Variants in RMC1 observed in about 807,000 individuals in gnomAD.
RMC1 encodes the protein regulator of MON1-CCZ1 complex.
In RMC1, 44 loss-of-function variants were observed where a neutral mutation model predicts 95.5. That is an observed-to-expected ratio of 0.46 (90% CI 0.36 to 0.59). RMC1 has a LOEUF of 0.59. Ranked by LOEUF, RMC1 falls within the 20% of genes least tolerant of loss-of-function variation. RMC1 has a pLI of 0.00. For synonymous variants in RMC1, 320 were observed against 303.6 expected, an observed-to-expected ratio of 1.05 and a Z score of -0.56; for missense variants, 705 against 819.6, an observed-to-expected ratio of 0.86 and a Z score of 1.71.
rs1442760779 is a variant in RMC1, at chr18:23,526,783, C to G, written c.1189+18C>G. 1 of 1,612,266 alleles carries G rather than the reference C, an allele frequency of 6.2e-7. No homozygotes were observed. The highest frequency in any genetic ancestry group is 1.7e-5 in the Admixed American group (1 of 59,872). On this transcript the variant is annotated intron_variant, in intron 13 of 19. Coordinates refer to ENST00000269221, the MANE Select transcript of RMC1 (RefSeq NM_013326.5). ...TTCACAGAGTAAGTTGAATCCTTCCCCCTTGCTCTGATTCCAGTGTGAGGC... is the reference window on the plus strand; with the variant it reads ...TTCACAGAGTAAGTTGAATCCTTCCGCCTTGCTCTGATTCCAGTGTGAGGC...
chr18:23,525,394 C>T lies in RMC1; in HGVS notation c.1060+912C>T, dbSNP rs1039314760. ...TCCCAAGTAGCTGGGCCTACAGGCG[C>T]ACATCACCACGCCCAGTTAATTTAT... On this transcript the variant is annotated intron_variant, in intron 12 of 19. Transcript: ENST00000269221. Among the ~76,000 whole-genome samples the T allele has an allele frequency of 2.0e-5, 3 of 151,718 alleles. No individual in the cohort carries two copies. In the East Asian group the frequency reaches 5.8e-4, roughly 29 times the overall value.
chr18:23,506,896 C>T, intron 2 of RMC1, 74 bp from the exon 3 acceptor site: 1 of 1,044,240 alleles, frequency 9.6e-7, no homozygotes, highest in Non-Finnish European at 1.5e-6. Flanking sequence ...TAGATTGTGT[C>T]TTTTGCCTTT....
intron 19 of RMC1, chr18:23,531,422 T>G: frequency 9.0e-7 from 1 of 1,106,252 alleles, no homozygotes; most frequent in Non-Finnish European, 1.2e-6. Context: ...TTAGTTACCA[T>G]AAGGACAGGT....
At chr18:23,516,765 C>T (rs1448060665) in intron 7 of RMC1, among the ~76,000 whole-genome samples, 1 of 148,384 alleles carries the variant, frequency 6.7e-6, no homozygotes, top group South Asian at 2.1e-4. Context: ...TTGTTCTGTC[C>T]CCTAGGCTGG....
At chr18:23,507,846 G>A (rs2057753043) in intron 3 of RMC1, 139 bp from the exon 4 acceptor site, 6 of 584,802 alleles carry the variant, frequency 1.0e-5, no homozygotes, top group Non-Finnish European at 1.6e-5. Context: ...TATCTTTCCT[G>A]TGTTTTGGTT....
In RMC1 at chr18:23,508,049, C is replaced by T; in HGVS notation, c.321+8C>T. 1.2e-6 allele frequency: 2 copies of T among 1,601,088 alleles called. No homozygotes were observed. Among genetic ancestry groups the T allele is most frequent in the Non-Finnish European group, 1.7e-6 (2 of 1,174,282 alleles). ...TACACACAGGAGTGCAAGGTATGAC[C>T]CCAGGCCCTTTCTCAGCTGCTGGTG... On this transcript the variant is annotated splice_region_variant and intron_variant, in intron 4 of 19. Coordinates refer to ENST00000269221, the MANE Select transcript of RMC1 (RefSeq NM_013326.5).
chr18:23,503,927 G>T (rs1427278884), intron 1 of RMC1, among the ~76,000 whole-genome samples: 1 of 152,156 alleles, frequency 6.6e-6, no homozygotes, highest in Non-Finnish European at 1.5e-5. Context: ...CTGGACCCCC[G>T]AGCCAGCTGC....
Position 23,510,322 on chromosome 18 carries a change from C to CA in RMC1, c.408+1054dup, listed in dbSNP as rs1041112782. Among the ~76,000 whole-genome samples, 525 of 133,790 alleles carry CA rather than the reference C, an allele frequency of 3.9e-3. 10 individuals carry two copies. In the East Asian group the frequency reaches 0.048, roughly 12 times the overall value. The allele number at this position is 133,790 out of a possible 152,430, so 87.8% of individuals were successfully genotyped here. On this transcript the variant is annotated intron_variant, in intron 5 of 19. Transcript: ENST00000269221. Reference sequence around the variant, plus strand: ...CCTGGATGACAGTGAGACCCCATCTCAAAAAAAAAAACAAAAACACAACAA... The same window carrying CA: ...CCTGGATGACAGTGAGACCCCATCTCAAAAAAAAAAAACAAAAACACAACAA...
At chr18:23,517,626 T>C (rs934487728) in intron 7 of RMC1, among the ~76,000 whole-genome samples, 1 of 152,218 alleles carries the variant, frequency 6.6e-6, no homozygotes, top group Non-Finnish European at 1.5e-5. Context: ...CCTAAAACAG[T>C]GGCCCAAACT....
At chr18:23,517,252 C>T (rs555831919) in intron 7 of RMC1, among the ~76,000 whole-genome samples, 13 of 151,718 alleles carry the variant, frequency 8.6e-5, no homozygotes, top group South Asian at 4.2e-4. Flanking sequence ...CAGGTTCAAG[C>T]GATTCTCCTG....
chr18:23,525,647 T>C (rs529398459), intron 12 of RMC1, among the ~76,000 whole-genome samples: 6 of 152,040 alleles, frequency 3.9e-5, no homozygotes, highest in Non-Finnish European at 7.4e-5. Context: ...ATGGTCTCGA[T>C]CTCCTGACCT....
At chr18:23,516,445 T>C (rs774876794) in intron 7 of RMC1, 22 bp downstream of exon 7, 1 of 1,606,214 alleles carries the variant, frequency 6.2e-7, no homozygotes, top group Non-Finnish European at 8.5e-7. Flanking sequence ...TCAGAGAGAA[T>C]TCCATCCTGT....
In RMC1 at chr18:23,531,741, A is replaced by AAGTT; in HGVS notation, c.*39_*42dup. 1 of 1,591,184 alleles carries AAGTT rather than the reference A, an allele frequency of 6.3e-7. No homozygotes were observed. Among genetic ancestry groups the AAGTT allele is most frequent in the South Asian group, 1.2e-5 (1 of 86,316 alleles). ...GTTTTTTTATATAAAAATGTGTACAAAGTTAATTTATTGCATTAATAAAGC... is the reference window on the plus strand; with the variant it reads ...GTTTTTTTATATAAAAATGTGTACAAAGTTAGTTAATTTATTGCATTAATAAAGC... On this transcript the variant is annotated 3_prime_UTR_variant, in exon 20 of 20. Transcript: ENST00000269221.
In RMC1 at chr18:23,503,665, A is replaced by G. The variant is rs2057646373; in HGVS notation, c.47A>G (p.Gln16Arg). The change falls in exon 1 of 20, where the codon CAG becomes CGG. Residue 16 changes from glutamine (Q) to arginine (R), a missense_variant. By Grantham distance (43) the Gln-to-Arg change is conservative. Transcript: ENST00000269221. ...CTGGAGCTGTGCGAGCGGCCGGTGCAGTTCGAGAAGGCGAACCCTGTCAAC... is the reference window on the plus strand; with the variant it reads ...CTGGAGCTGTGCGAGCGGCCGGTGCGGTTCGAGAAGGCGAACCCTGTCAAC... ...YYLELCERPV[Q>R]FEKANPVNCV... The G allele has an allele frequency of 7.5e-6, 12 of 1,591,650 alleles. No individual in the cohort carries two copies. The highest frequency in any genetic ancestry group is 1.4e-5 in the African/African-American group (1 of 71,706).
chr18:23,523,736 ATAAT>A (rs1017503744), intron 10 of RMC1, among the ~76,000 whole-genome samples: 14 of 152,132 alleles, frequency 9.2e-5, no homozygotes, highest in Non-Finnish European at 1.5e-4. Context: ...AAAAAAAAAG[ATAAT>A]TAAGCTACAA....
chr18:23,520,330 A>C lies in RMC1; in HGVS notation c.961+17A>C. 1.9e-6 allele frequency: 3 copies of C among 1,590,950 alleles called. No individual in the cohort carries two copies. Among genetic ancestry groups the C allele is most frequent in the Non-Finnish European group, 2.6e-6 (3 of 1,159,562 alleles). ...CCATCACAGGTAACACGGGTTCTGT[A>C]GAGGAGTCTGTGCTGCCCTTTCACC... On this transcript the variant is annotated intron_variant, in intron 10 of 19. Coordinates refer to ENST00000269221, the MANE Select transcript of RMC1 (RefSeq NM_013326.5).
intron 19 of RMC1, chr18:23,531,380 A>G: frequency 1.7e-6 from 1 of 602,746 alleles, no homozygotes; most frequent in Non-Finnish European, 2.5e-6. Flanking sequence ...TGAAACTTCT[A>G]GGTCTATTTC....
rs1308245630 is a variant in RMC1 at position 23,529,169 on chromosome 18, T to C, written c.1297-10T>C. On this transcript the variant is annotated splice_polypyrimidine_tract_variant and intron_variant, in intron 14 of 19. Coordinates refer to ENST00000269221, the MANE Select transcript of RMC1 (RefSeq NM_013326.5). Reference sequence around the variant, plus strand: ...GCCGAAGATCATAGTTTGTGGTTTTTTTCTTTCAGGCGGTGGAAGCAGGGC... The same window carrying C: ...GCCGAAGATCATAGTTTGTGGTTTTCTTCTTTCAGGCGGTGGAAGCAGGGC... 1.9e-6 allele frequency: 3 copies of C among 1,606,820 alleles called. No individual in the cohort carries two copies. Among genetic ancestry groups the C allele is most frequent in the Admixed American group, 1.7e-5 (1 of 57,434 alleles).
Position 23,527,589 on chromosome 18 carries a change from C to T in RMC1, c.1190-206C>T, listed in dbSNP as rs902040284. 5.5e-5 allele frequency among the ~76,000 whole-genome samples: 6 copies of T among 108,370 alleles called. No homozygotes were observed. The East Asian group carries it at 1.2e-3, about 22-fold the overall frequency. 71.1% of individuals were successfully genotyped at this position (108,370 alleles called of 152,430 possible). ...TGCCACTGAGCCTGGCCTGCTATAG[C>T]TTTTTTTTTTTTTTTTTTTTTTAAC... On this transcript the variant is annotated intron_variant, in intron 13 of 19. Transcript: ENST00000269221.
Sources: gnomAD v4.1 joint callset for allele counts (sites outside exome capture counted in the v4.1 genomes callset) on GRCh38, gnomAD v4.1.1 for gene constraint, MANE v1.5 for transcripts, NCBI Gene and HGNC (gene_info 2026-07-23, HGNC 2026-07-21) for gene names.